Variants in DISP1 observed in about 807,000 individuals in gnomAD.
DISP1 encodes dispatched RND transporter family member 1.
Under a neutral mutation model 37.3 loss-of-function variants are expected in DISP1, and 30 were observed. The ratio of observed to expected loss-of-function variants is 0.80; its 90% confidence interval spans 0.60 to 1.09. DISP1 has a LOEUF of 1.09. Ranked by LOEUF, DISP1 falls within the 50% of genes least tolerant of loss-of-function variation. DISP1 has a pLI of 0.00. For missense variants in DISP1, 1,598 were observed against 1,879.5 expected, an observed-to-expected ratio of 0.85 and a Z score of 2.77; for synonymous variants, 634 against 690.2, an observed-to-expected ratio of 0.92 and a Z score of 1.28.
intron 2 of DISP1, among the ~76,000 whole-genome samples, chr1:222,936,017 A>G (rs573415891): frequency 1.3e-5 from 2 of 152,346 alleles, no homozygotes; most frequent in South Asian, 4.1e-4. Context: ...CCTATGGCCT[A>G]GCCATGGTGA....
intron 3 of DISP1, among the ~76,000 whole-genome samples, chr1:222,949,540 G>C (rs1675056707): frequency 6.6e-6 from 1 of 152,130 alleles, no homozygotes; most frequent in African/African-American, 2.4e-5. Context: ...TTTTATATTT[G>C]TAGATTCCTG....
At chr1:222,931,401 G>A (rs1017173676) in intron 2 of DISP1, among the ~76,000 whole-genome samples, 2 of 151,748 alleles carry the variant, frequency 1.3e-5, no homozygotes, top group South Asian at 2.1e-4. Context: ...TGTTAAGCTC[G>A]GTAATATGAT....
At chr1:222,994,218 G>A (rs2609360) in intron 7 of DISP1, among the ~76,000 whole-genome samples, 136,872 of 152,190 alleles carry the variant, frequency 0.9, 63,286 homozygotes, top group East Asian at 1. Context: ...CTAAGGTCAC[G>A]TAGCTAGTAA....
chr1:222,846,705 A>G (rs1667927377), intron 1 of DISP1, among the ~76,000 whole-genome samples: 1 of 152,252 alleles, frequency 6.6e-6, no homozygotes, highest in East Asian at 1.9e-4. Context: ...CAAAACTAGA[A>G]TATAGGACAA....
At chr1:222,982,974 A>C in intron 3 of DISP1, 106 bp from the exon 4 acceptor site, 2 of 828,950 alleles carry the variant, frequency 2.4e-6, no homozygotes, top group Non-Finnish European at 4.0e-6. Context: ...TCTTTGTAAG[A>C]GATAACAAGT....
intron 1 of DISP1, among the ~76,000 whole-genome samples, chr1:222,835,689 C>T (rs77470231): frequency 1.3e-5 from 2 of 152,156 alleles, no homozygotes; most frequent in African/African-American, 4.8e-5. Flanking sequence ...CGGTGGCTCA[C>T]GCCTGTAATC....
chr1:222,885,808 G>A (rs1396241274), intron 1 of DISP1, among the ~76,000 whole-genome samples: 5 of 151,922 alleles, frequency 3.3e-5, no homozygotes, highest in African/African-American at 7.3e-5. Flanking sequence ...GGAAATATAC[G>A]TATATGTACT....
At chr1:222,938,733 T>TAAAA (rs33948431) in intron 2 of DISP1, among the ~76,000 whole-genome samples, 2 of 57,614 alleles carry the variant, frequency 3.5e-5, no homozygotes, top group Non-Finnish European at 6.1e-5. Context: ...ACCCTGTCTT[T>TAAAA]AAAAAAAAAA....
intron 1 of DISP1, among the ~76,000 whole-genome samples, chr1:222,825,360 T>C (rs1558278581): frequency 6.6e-6 from 1 of 152,160 alleles, no homozygotes; most frequent in Non-Finnish European, 1.5e-5. Context: ...ATACCATAAA[T>C]ATATACAATT....
intron 8 of DISP1, among the ~76,000 whole-genome samples, chr1:222,998,047 T>C (rs1679194913): frequency 6.6e-6 from 1 of 152,164 alleles, no homozygotes; most frequent in Non-Finnish European, 1.5e-5. Flanking sequence ...GAACCTGGAA[T>C]AATAAACCTT....
At chr1:222,861,898 A>G (rs1365012174) in intron 1 of DISP1, among the ~76,000 whole-genome samples, 1 of 151,972 alleles carries the variant, frequency 6.6e-6, no homozygotes, top group Non-Finnish European at 1.5e-5. Flanking sequence ...CTTCTCGTAC[A>G]GTGGGGAAAA....
At chr1:222,828,592 G>A (rs1664987447) in intron 1 of DISP1, among the ~76,000 whole-genome samples, 1 of 152,082 alleles carries the variant, frequency 6.6e-6, no homozygotes, top group Admixed American at 6.6e-5. Flanking sequence ...TCCCTCAGGA[G>A]CTTTATGTGA....
intron 1 of DISP1, among the ~76,000 whole-genome samples, chr1:222,921,431 G>A (rs1467036737): frequency 6.6e-6 from 1 of 151,856 alleles, no homozygotes; most frequent in Non-Finnish European, 1.5e-5. Context: ...TCAATGCCAT[G>A]GGAAAATTCT....
intron 1 of DISP1, among the ~76,000 whole-genome samples, chr1:222,916,160 T>TG (rs1477618609): frequency 6.6e-6 from 1 of 152,242 alleles, no homozygotes; most frequent in Non-Finnish European, 1.5e-5. Context: ...AGGTTAAAGG[T>TG]GCCTCTGATG....
chr1:222,952,191 C>T (rs1185121493), intron 3 of DISP1, among the ~76,000 whole-genome samples: 53 of 152,128 alleles, frequency 3.5e-4, no homozygotes, highest in Admixed American at 3.5e-3. Flanking sequence ...TTTCAATAAA[C>T]CATTGGCTTT....
chr1:222,976,832 G>C (rs1054350474), intron 3 of DISP1, among the ~76,000 whole-genome samples: 5 of 152,130 alleles, frequency 3.3e-5, no homozygotes, highest in Non-Finnish European at 7.4e-5. Flanking sequence ...GATAATTTTA[G>C]TTCCAAAGAT....
At chr1:222,921,803 A>G (rs1337972476) in intron 1 of DISP1, among the ~76,000 whole-genome samples, 1 of 152,210 alleles carries the variant, frequency 6.6e-6, no homozygotes, top group African/African-American at 2.4e-5. Context: ...TATACTTTAT[A>G]TCCCTTCTTA....
intron 3 of DISP1, among the ~76,000 whole-genome samples, chr1:222,973,846 G>T (rs1460039035): frequency 6.6e-6 from 1 of 152,184 alleles, no homozygotes; most frequent in African/African-American, 2.4e-5. Context: ...TAAAGCACGG[G>T]ATCAAGTCAA....
At chr1:222,960,799 AC>A (rs1572630975) in intron 3 of DISP1, among the ~76,000 whole-genome samples, 1 of 152,202 alleles carries the variant, frequency 6.6e-6, no homozygotes, top group African/African-American at 2.4e-5. Flanking sequence ...CACTGACTCC[AC>A]AGAAATACAA....
Sources: gnomAD v4.1 joint callset for allele counts (sites outside exome capture counted in the v4.1 genomes callset) on GRCh38, gnomAD v4.1.1 for gene constraint, MANE v1.5 for transcripts, NCBI Gene and HGNC (gene_info 2026-07-23, HGNC 2026-07-21) for gene names.